FBN2: variants seen among roughly 807,000 people sequenced by gnomAD.
The protein encoded by FBN2 is fibrillin 2.
A neutral mutation model predicts 355.6 loss-of-function variants in FBN2; 105 were observed. That is an observed-to-expected ratio of 0.30 (90% CI 0.25 to 0.35). FBN2 has a LOEUF of 0.35. Among genes scored for constraint, FBN2 ranks in the 10% least tolerant of loss-of-function variants. FBN2 has a pLI of 1.00. For missense variants in FBN2, 3,280 were observed against 3,758.7 expected (o/e 0.87, Z 3.33); for synonymous variants, 1,350 against 1,301.2 (o/e 1.04, Z -0.81).
At chr5:128,379,077 C>T (rs1369761984) in intron 11 of FBN2, among the ~76,000 whole-genome samples, 187 bp from the exon 12 acceptor site, 7 of 152,064 alleles carry the variant, frequency 4.6e-5, no homozygotes, top group African/African-American at 1.4e-4. Flanking sequence ...TGAGGATTTA[C>T]AAAAATATCA....
At chr5:128,406,528 A>G (rs751544030) in intron 8 of FBN2, among the ~76,000 whole-genome samples, 6 of 152,164 alleles carry the variant, frequency 3.9e-5, no homozygotes, top group Non-Finnish European at 7.3e-5. Context: ...TGCTAGCATC[A>G]ATACTCTTGG....
chr5:128,310,383 TATATATATATATATATATA>T (rs1238628981), intron 39 of FBN2, among the ~76,000 whole-genome samples: 29 of 14,004 alleles, frequency 2.1e-3, no homozygotes, highest in African/African-American at 6.4e-3. Context: ...TATATATATA[TATATATATATATATATATA>T]TTTTTTTTTT....
At position 128,349,360 on chromosome 5, in the gene FBN2, G is replaced by A. The variant is rs767086545; in HGVS notation, c.2976C>T (p.Gly992=). 1 of 1,614,010 alleles carries A rather than the reference G, an allele frequency of 6.2e-7. No individual in the cohort carries two copies. The highest frequency in any genetic ancestry group is 1.7e-5 in the Admixed American group (1 of 59,998). ...TGTGAATCTTACCCAAACATACACGGCCAGTCCCATCCAACGTAAGGCCTT... is the reference window on the plus strand; with the variant it reads ...TGTGAATCTTACCCAAACATACACGACCAGTCCCATCCAACGTAAGGCCTT... ...CPEGLTLDGT[G]RVCLDIRMEQ... The change falls in exon 23 of 65, where the codon GGC becomes GGT. Residue 992 remains glycine, a synonymous_variant. Transcript: ENST00000262464.
chr5:128,495,357 C>G (rs1755627403), intron 5 of FBN2, among the ~76,000 whole-genome samples: 1 of 151,764 alleles, frequency 6.6e-6, no homozygotes, highest in South Asian at 2.1e-4. Context: ...AAGGAAATAC[C>G]AGAGGAAGAG....
chr5:128,339,210 G>C (rs942475539), intron 25 of FBN2, 149 bp from the exon 26 acceptor site: 1 of 738,106 alleles, frequency 1.4e-6, no homozygotes, highest in Admixed American at 2.1e-5. Context: ...GAAGGGCCTG[G>C]GACCTGAGGC....
At chr5:128,354,186 C>T (rs1263629804) in intron 20 of FBN2, among the ~76,000 whole-genome samples, 1 of 152,204 alleles carries the variant, frequency 6.6e-6, no homozygotes, top group Non-Finnish European at 1.5e-5. Flanking sequence ...GAAATCGTGA[C>T]TTACAATGTG....
chr5:128,286,997 A>G (rs1471210148), intron 54 of FBN2, 148 bp from the exon 55 acceptor site: 5 of 849,512 alleles, frequency 5.9e-6, no homozygotes, highest in Non-Finnish European at 9.5e-6. Flanking sequence ...GCTGTTGGCT[A>G]TATTCCAGAT....
At chr5:128,332,548 A>G (rs1750721293) in intron 32 of FBN2, among the ~76,000 whole-genome samples, 1 of 152,252 alleles carries the variant, frequency 6.6e-6, no homozygotes, top group Non-Finnish European at 1.5e-5. Flanking sequence ...GGTTATCTGA[A>G]AAAACCTTTT....
intron 48 of FBN2, 115 bp from the exon 49 acceptor site, chr5:128,291,769 T>C (rs1749330025): frequency 2.9e-6 from 3 of 1,020,106 alleles, no homozygotes; most frequent in East Asian, 2.4e-5. Flanking sequence ...TTACGTTGTA[T>C]GTTTAACTTA....
intron 7 of FBN2, among the ~76,000 whole-genome samples, chr5:128,440,845 G>A (rs141326985): frequency 3.1e-4 from 47 of 152,200 alleles, no homozygotes; most frequent in African/African-American, 1.0e-3. Context: ...CCAGAGAGGC[G>A]GCATAGAATA....
chr5:128,288,628 T>C (rs1177151612), intron 52 of FBN2, 71 bp from the exon 53 acceptor site: 10 of 1,555,448 alleles, frequency 6.4e-6, no homozygotes, highest in Non-Finnish European at 8.8e-6. Context: ...GGAAGACCCA[T>C]GCTTGGCCCT....
intron 25 of FBN2, among the ~76,000 whole-genome samples, chr5:128,339,712 A>C (rs1750947668): frequency 6.6e-6 from 1 of 152,218 alleles, no homozygotes; most frequent in Non-Finnish European, 1.5e-5. Context: ...CTCATGTGTG[A>C]CTGGAAGACA....
intron 25 of FBN2, among the ~76,000 whole-genome samples, chr5:128,340,307 G>A (rs1057250417): frequency 2.0e-5 from 3 of 152,108 alleles, no homozygotes; most frequent in Non-Finnish European, 2.9e-5. Context: ...TGAGAGGGGG[G>A]TCTCAGTCTC....
chr5:128,275,273 A>T (rs924041530), intron 59 of FBN2, among the ~76,000 whole-genome samples: 3 of 152,188 alleles, frequency 2.0e-5, no homozygotes, highest in African/African-American at 7.2e-5. Context: ...AAATAAATAT[A>T]CCACATAAGA....
At chr5:128,408,535 A>G (rs939101010) in intron 8 of FBN2, 139 bp downstream of exon 8, 12 of 1,007,648 alleles carry the variant, frequency 1.2e-5, no homozygotes, top group Admixed American at 9.6e-5. Flanking sequence ...CAATCCCTCA[A>G]TACTGGTACC....
chr5:128,429,749 T>A (rs1046523606), intron 7 of FBN2, among the ~76,000 whole-genome samples: 1 of 152,196 alleles, frequency 6.6e-6, no homozygotes, highest in African/African-American at 2.4e-5. Context: ...ATTTCTTCTA[T>A]CATAGTAAAT....
intron 5 of FBN2, among the ~76,000 whole-genome samples, chr5:128,506,694 A>T (rs1324484948): frequency 6.6e-6 from 1 of 152,164 alleles, no homozygotes; most frequent in African/African-American, 2.4e-5. Flanking sequence ...AATGTTCAAC[A>T]GAAGTGACGA....
chr5:128,460,997 A>G (rs1434317728), intron 6 of FBN2, among the ~76,000 whole-genome samples: 1 of 152,222 alleles, frequency 6.6e-6, no homozygotes, highest in East Asian at 1.9e-4. Flanking sequence ...GCCAAAATTG[A>G]CAAATGTGAT....
chr5:128,297,221 GTTC>G (rs1157154057), intron 48 of FBN2, among the ~76,000 whole-genome samples: 1 of 152,082 alleles, frequency 6.6e-6, no homozygotes, highest in Admixed American at 6.5e-5. Flanking sequence ...TATAATTTCT[GTTC>G]TTTTACATTT....
Sources: allele counts gnomAD v4.1 joint callset (sites outside exome capture counted in the v4.1 genomes callset), GRCh38; gene constraint gnomAD v4.1.1; transcripts MANE v1.5; gene names NCBI Gene and HGNC (gene_info 2026-07-23, HGNC 2026-07-21).